Variants in BOD1L1 observed in about 807,000 individuals in gnomAD.
BOD1L1 encodes biorientation of chromosomes in cell division 1 like 1, also known as biorientation of chromosomes in cell division protein 1-like 1.
In BOD1L1, 86 loss-of-function variants were observed where a neutral mutation model predicts 240.7. That is an observed-to-expected ratio of 0.36 (90% CI 0.30 to 0.43). BOD1L1 has a LOEUF of 0.43. Among genes scored for constraint, BOD1L1 ranks in the 20% least tolerant of loss-of-function variants. BOD1L1 has a pLI of 1.00. For missense variants in BOD1L1, 3,554 were observed against 3,643.5 expected (o/e 0.98, Z 0.63); for synonymous variants, 1,268 against 1,272.3 (o/e 1.00, Z 0.07).
rs578128678 is a variant in BOD1L1, at chr4:13,582,771, C to T, written c.8434-35G>A. ...AGTTGAAAAAGACTAGAACCTTCTTCAAACTGAAGCCTTCGTCCATTCATC... is the reference window on the plus strand; with the variant it reads ...AGTTGAAAAAGACTAGAACCTTCTTTAAACTGAAGCCTTCGTCCATTCATC... On this transcript the variant is annotated intron_variant, in intron 17 of 25. Transcript: ENST00000040738. 3.6e-4 allele frequency: 518 copies of T among 1,425,870 alleles called. 8 individuals carry two copies. The South Asian group carries it at 5.9e-3, about 16-fold the overall frequency. 88.3% of individuals were successfully genotyped at this position (1,425,870 alleles called of 1,614,324 possible).
chr4:13,615,478 A>G lies in BOD1L1; in HGVS notation c.393T>C (p.Ile131=). The G allele has an allele frequency of 6.2e-7, 1 of 1,608,932 alleles. No homozygotes were observed. Among genetic ancestry groups the G allele is most frequent in the Non-Finnish European group, 8.5e-7 (1 of 1,177,584 alleles). The stretch of plus-strand genomic sequence containing the variant: ...CCACAACCTGAGAAATAATTCGGTC[A>G]ATACCAGACTCCAACATTCCTGATC... ...VLKSGMLESG[I]DRIISQVVDP... Residue 131 remains isoleucine, a synonymous_variant, in exon 3 of 26, where the codon ATT becomes ATC. Transcript: ENST00000040738.
Position 13,602,467 on chromosome 4 carries a change from T to A in BOD1L1, c.4433A>T (p.Glu1478Val), listed in dbSNP as rs768751960. 1 of 1,614,018 alleles carries A rather than the reference T, an allele frequency of 6.2e-7. No homozygotes were observed. Among genetic ancestry groups the A allele is most frequent in the East Asian group, 2.2e-5 (1 of 44,884 alleles). Residue 1478 changes from glutamate to valine, a missense_variant, in exon 10 of 26, where the codon GAA becomes GTA. This residue lies in a region of BOD1L1 where 3,393 missense variants were observed against 3,427.1 expected (regional missense o/e 0.99). Transcript: ENST00000040738. ...AGCACTGGTGTCTACCTCACTGTTTTCATTCCTTCTTTCAACATCAATTGA... is the reference window on the plus strand; with the variant it reads ...AGCACTGGTGTCTACCTCACTGTTTACATTCCTTCTTTCAACATCAATTGA... Reference protein sequence around the residue: ...DISIDVERRNENSEVDTSAGS... With the variant: ...DISIDVERRNVNSEVDTSAGS...
chr4:13,604,066 T>C lies in BOD1L1; in HGVS notation c.2834A>G (p.Lys945Arg). The C allele has an allele frequency of 6.2e-7, 1 of 1,613,888 alleles. No homozygotes were observed. Among genetic ancestry groups the C allele is most frequent in the Non-Finnish European group, 8.5e-7 (1 of 1,179,878 alleles). ...TTCTGAGTCATTTTCTTCTGTGTTC[T>C]TCTCCTTGTCTGGTTTTGGAGTGGT... is the stretch of plus-strand genomic sequence containing the variant. ...QATTPKPDKEKNTEENDSEKQ... is the reference protein window; with the variant it reads ...QATTPKPDKERNTEENDSEKQ... The change falls in exon 10 of 26, where the codon AAG becomes AGG. Residue 945 changes from lysine to arginine, a missense_variant. This residue lies in a region of BOD1L1 where 3,393 missense variants were observed against 3,427.1 expected (regional missense o/e 0.99). Coordinates refer to ENST00000040738, the MANE Select transcript of BOD1L1 (RefSeq NM_148894.3).
In BOD1L1 at chr4:13,603,460, T is replaced by C. The variant is rs1420967942; in HGVS notation, c.3440A>G (p.Gln1147Arg). The change falls in exon 10 of 26, where the codon CAA becomes CGA. Residue 1147 changes from glutamine (Q) to arginine (R), a missense_variant. Gln to Arg is a conservative substitution (Grantham distance 43, BLOSUM62 1). Around this residue, in one of 2 missense-constraint regions of BOD1L1, gnomAD observed 3,393 missense variants for 3,427.1 expected, o/e 0.99. Coordinates refer to ENST00000040738, the MANE Select transcript of BOD1L1 (RefSeq NM_148894.3). ...TQDNRNNNSQ[Q>R]DIDSENMKQK... is the part of the protein sequence containing the mutation. ...TTTCATATTTTCAGAGTCAATGTCT[T>C]GCTGAGAATTATTATTGCGGTTGTC... is the stretch of plus-strand genomic sequence containing the variant. The C allele has an allele frequency of 2.5e-6, 4 of 1,613,838 alleles. No individual in the cohort carries two copies. The highest frequency in any genetic ancestry group is 3.4e-6 in the Non-Finnish European group (4 of 1,179,884).
At chr4:13,597,199 T>A (rs1377336635) in intron 10 of BOD1L1, 31 bp from the exon 11 acceptor site, 6 of 1,552,948 alleles carry the variant, frequency 3.9e-6, no homozygotes, top group Non-Finnish European at 4.4e-6. Flanking sequence ...TAGTACAGTT[T>A]AAGAATTTGC....
chr4:13,614,959 T>G (rs1716472355), intron 3 of BOD1L1, 149 bp from the exon 4 acceptor site: 1 of 865,090 alleles, frequency 1.2e-6, no homozygotes, highest in Non-Finnish European at 1.7e-6. Context: ...GTACCAGTAC[T>G]AGTATATACC....
chr4:13,606,867 T>A (rs777090324), intron 9 of BOD1L1, among the ~76,000 whole-genome samples: 6 of 152,150 alleles, frequency 3.9e-5, no homozygotes, highest in African/African-American at 1.4e-4. Context: ...ATTTTTGTTA[T>A]TGCAATTATA....
At chr4:13,587,084 G>C (rs939320027) in intron 16 of BOD1L1, among the ~76,000 whole-genome samples, 6 of 152,046 alleles carry the variant, frequency 3.9e-5, no homozygotes, top group Non-Finnish European at 7.4e-5. Context: ...TCTCCTTTGT[G>C]TCAAGTATTA....
chr4:13,572,759 A>G, intron 25 of BOD1L1: 3 of 1,289,768 alleles, frequency 2.3e-6, no homozygotes, highest in Non-Finnish European at 3.0e-6. Context: ...CTCTTTTGCT[A>G]ATTTTTGGCG....
Position 13,601,400 on chromosome 4 carries a change from C to T in BOD1L1, c.5500G>A (p.Val1834Met), listed in dbSNP as rs372779951. 1 of 1,613,962 alleles carries T rather than the reference C, an allele frequency of 6.2e-7. No homozygotes were observed. Among genetic ancestry groups the T allele is most frequent in the Non-Finnish European group, 8.5e-7 (1 of 1,179,920 alleles). ...ENGESAMDST[V>M]AKEGTNVPLV... is the part of the protein sequence containing the mutation. Reference sequence around the variant, plus strand: ...GGTACATTAGTGCCTTCTTTGGCCACTGTGCTGTCCATTGCACTCTCTCCA... The same window carrying T: ...GGTACATTAGTGCCTTCTTTGGCCATTGTGCTGTCCATTGCACTCTCTCCA... The change falls in exon 10 of 26, where the codon GTG becomes ATG. Residue 1834 changes from valine (V) to methionine (M), a missense_variant. By Grantham distance (21) the Val-to-Met change is conservative. Coordinates refer to ENST00000040738, the MANE Select transcript of BOD1L1 (RefSeq NM_148894.3).
At position 13,599,100 on chromosome 4, in the gene BOD1L1, C is replaced by T. The variant is rs766048057; in HGVS notation, c.7800G>A (p.Glu2600=). Reference sequence around the variant, plus strand: ...AATCATTCTTTATAGTCAAGTCCTGCTCACATTTAGGAGCCAACAGAGCTA... The same window carrying T: ...AATCATTCTTTATAGTCAAGTCCTGTTCACATTTAGGAGCCAACAGAGCTA... ...YSVALLAPKC[E]QDLTIKNDYS... Residue 2600 remains glutamate (E), a synonymous_variant, in exon 10 of 26, where the codon GAG becomes GAA. Coordinates refer to ENST00000040738, the MANE Select transcript of BOD1L1 (RefSeq NM_148894.3). 9 of 1,613,944 alleles carry T rather than the reference C, an allele frequency of 5.6e-6. No homozygotes were observed. The East Asian group carries it at 1.1e-4, about 20-fold the overall frequency.
In BOD1L1 at chr4:13,569,556, T is replaced by C. The variant is rs1691777320; in HGVS notation, c.*455A>G. ...TAAAGTAAAATAAACAGATATATAG[T>C]AAAGTTCACAGATAAGTTTTCTCTG... is the stretch of plus-strand genomic sequence containing the variant. On this transcript the variant is annotated 3_prime_UTR_variant, in exon 26 of 26. Transcript: ENST00000040738. 6.6e-6 allele frequency: 1 copy of C among 152,252 alleles called. No homozygotes were observed. The highest frequency in any genetic ancestry group is 2.4e-5 in the African/African-American group (1 of 41,450). The allele number at this position is 152,252 out of a possible 1,614,324, so 9.4% of individuals were successfully genotyped here. A position where few individuals can be genotyped will look rare whatever the true frequency, so the allele number is the denominator to read the frequency against.
chr4:13,603,978 T>C lies in BOD1L1; in HGVS notation c.2922A>G (p.Leu974=). Residue 974 remains leucine, a synonymous_variant, in exon 10 of 26, where the codon TTA becomes TTG. Transcript: ENST00000040738. The part of the protein sequence containing the change: ...PFEETGVEPV[L]ETASSSAHST... Reference sequence around the variant, plus strand: ...TATGTGCTGAAGAAGAAGCAGTCTCTAATACAGGTTCAACACCAGTTTCTT... The same window carrying C: ...TATGTGCTGAAGAAGAAGCAGTCTCCAATACAGGTTCAACACCAGTTTCTT... The C allele has an allele frequency of 1.9e-6, 3 of 1,613,960 alleles. No homozygotes were observed. The highest frequency in any genetic ancestry group is 2.5e-6 in the Non-Finnish European group (3 of 1,179,874).
In BOD1L1 at chr4:13,603,038, T is replaced by A. The variant is rs748308254; in HGVS notation, c.3862A>T (p.Thr1288Ser). 1 of 1,613,978 alleles carries A rather than the reference T, an allele frequency of 6.2e-7. No individual in the cohort carries two copies. The highest frequency in any genetic ancestry group is 1.1e-5 in the South Asian group (1 of 91,080). The stretch of plus-strand genomic sequence containing the variant: ...TACGATTCCCTCAGAGGCACAACAG[T>A]CACTGAACTTAAGGATGGTGAGGAG... ...LDSSPSLSSV[T>S]VVPLRESYDP... The change falls in exon 10 of 26, where the codon ACT becomes TCT. Residue 1288 changes from threonine to serine, a missense_variant. Around this residue, in one of 2 missense-constraint regions of BOD1L1, gnomAD observed 3,393 missense variants for 3,427.1 expected, o/e 0.99. Transcript: ENST00000040738.
At position 13,569,920 on chromosome 4, in the gene BOD1L1, T is replaced by C; in HGVS notation, c.*91A>G. The C allele has an allele frequency of 1.1e-6, 1 of 935,136 alleles. No individual in the cohort carries two copies. Among genetic ancestry groups the C allele is most frequent in the South Asian group, 2.6e-5 (1 of 38,922 alleles). The allele number at this position is 935,136 out of a possible 1,614,324, so 57.9% of individuals were successfully genotyped here. A position where few individuals can be genotyped will look rare whatever the true frequency, so the allele number is the denominator to read the frequency against. On this transcript the variant is annotated 3_prime_UTR_variant, in exon 26 of 26. Coordinates refer to ENST00000040738, the MANE Select transcript of BOD1L1 (RefSeq NM_148894.3). ...GACTTACAGCACATGCATATCTTTT[T>C]CCTGGTTAAAGAGAAGCCTATGGCC...
intron 13 of BOD1L1, 88 bp downstream of exon 13, chr4:13,591,835 T>G (rs756561794): frequency 6.9e-6 from 7 of 1,016,988 alleles, no homozygotes; most frequent in South Asian, 3.3e-5. Flanking sequence ...GGCAACCCCT[T>G]CAGATGGCTC....
chr4:13,586,264 A>G (rs1358603165), intron 17 of BOD1L1, 132 bp downstream of exon 17: 1 of 466,484 alleles, frequency 2.1e-6, no homozygotes, highest in Non-Finnish European at 3.8e-6. Context: ...TTTTATAATA[A>G]AGTGATTATT....
In BOD1L1 at chr4:13,613,473, C is replaced by T; in HGVS notation, c.1324+39G>A. ...ATCAGAATATACAAATAATGCTTGACAGGATGCTTCAGAGGCATTATTATG... is the reference window on the plus strand; with the variant it reads ...ATCAGAATATACAAATAATGCTTGATAGGATGCTTCAGAGGCATTATTATG... On this transcript the variant is annotated intron_variant, in intron 5 of 25. Transcript: ENST00000040738. This position sits in a 1 kb window ranked among gnomAD's most constrained non-coding sequence, Gnocchi z 4.0. 1.9e-6 allele frequency: 3 copies of T among 1,570,612 alleles called. No individual in the cohort carries two copies. Among genetic ancestry groups the T allele is most frequent in the South Asian group, 1.1e-5 (1 of 87,150 alleles).
intron 25 of BOD1L1, among the ~76,000 whole-genome samples, chr4:13,575,244 C>G (rs1712612479): frequency 6.6e-6 from 1 of 151,500 alleles, no homozygotes; most frequent in Admixed American, 6.6e-5. Flanking sequence ...TATGTAAACA[C>G]AAGATACTAT....
Sources: allele counts gnomAD v4.1 joint callset (sites outside exome capture counted in the v4.1 genomes callset), GRCh38; gene constraint gnomAD v4.1.1; regional missense constraint gnomAD v4.1.1; non-coding constraint Gnocchi (gnomAD v3.1); transcripts MANE v1.5; gene names NCBI Gene and HGNC (gene_info 2026-07-23, HGNC 2026-07-21).